The following SLIT3 variants were observed in gnomAD, a reference collection of about 807,000 sequenced individuals.
SLIT3 encodes slit guidance ligand 3, also known as slit homolog 3 protein.
A neutral mutation model predicts 184.0 loss-of-function variants in SLIT3; 68 were observed. The observed-to-expected ratio is 0.37, with a 90% CI of 0.30 to 0.45. SLIT3 has a LOEUF of 0.45. SLIT3 is among the 20% of genes least tolerant of loss of function. SLIT3 has a pLI of 1.00. For missense variants in SLIT3, 1,707 were observed against 2,026.0 expected, an observed-to-expected ratio of 0.84 and a Z score of 3.02; for synonymous variants, 831 against 828.6, an observed-to-expected ratio of 1.00 and a Z score of -0.05.
intron 1 of SLIT3, among the ~76,000 whole-genome samples, chr5:169,274,588 C>T (rs886909121): frequency 2.0e-5 from 3 of 152,174 alleles, no homozygotes; most frequent in African/African-American, 4.8e-5. Flanking sequence ...AAAGAATGAA[C>T]TGATTCAGGC....
Position 169,117,955 on chromosome 5 carries a change from A to G in SLIT3, c.413+75524T>C, listed in dbSNP as rs79497564. ...CTCTCATACAGGCCCAGCATCACAC[A>G]CTAGGACAATGTTATGGTTGTCACA... On this transcript the variant is annotated intron_variant, in intron 4 of 35. Coordinates refer to ENST00000519560, the MANE Select transcript of SLIT3 (RefSeq NM_003062.4). Among the ~76,000 whole-genome samples, 377 of 152,282 alleles carry G rather than the reference A, an allele frequency of 2.5e-3. 5 individuals are homozygous for G. The East Asian group carries it at 0.025, about 10-fold the overall frequency.
chr5:169,295,116 T>C (rs1767461611), intron 1 of SLIT3, among the ~76,000 whole-genome samples: 1 of 152,190 alleles, frequency 6.6e-6, no homozygotes. Flanking sequence ...ACTAAATTTA[T>C]TAAAAATAAA....
chr5:169,114,335 CT>C (rs1760565287), intron 4 of SLIT3, among the ~76,000 whole-genome samples: 2 of 152,222 alleles, frequency 1.3e-5, no homozygotes, highest in Admixed American at 6.5e-5. Flanking sequence ...ATTATCACCT[CT>C]GTTTTACAGA....
intron 4 of SLIT3, among the ~76,000 whole-genome samples, chr5:169,143,448 C>A (rs916844792): frequency 2.6e-5 from 4 of 152,214 alleles, no homozygotes; most frequent in African/African-American, 9.6e-5. Context: ...AAAGTCGATG[C>A]CCTAACCCTC....
Position 168,687,138 on chromosome 5 carries a change from G to A in SLIT3, c.3177-22C>T, listed in dbSNP as rs1761771457. On this transcript the variant is annotated intron_variant, in intron 29 of 35. Transcript: ENST00000519560. Reference sequence around the variant, plus strand: ...GCAGCTGGAACATAGGCAGAGGCAAGGCCGTTCCTCAAGGCAAAGCCAGCT... The same window carrying A: ...GCAGCTGGAACATAGGCAGAGGCAAAGCCGTTCCTCAAGGCAAAGCCAGCT... 5 of 1,608,338 alleles carry A rather than the reference G, an allele frequency of 3.1e-6. No individual in the cohort carries two copies. In the African/African-American group the frequency reaches 4.0e-5, roughly 13 times the overall value.
intron 4 of SLIT3, among the ~76,000 whole-genome samples, chr5:169,037,108 G>T (rs1222562199): frequency 1.4e-5 from 2 of 145,816 alleles, no homozygotes; most frequent in African/African-American, 5.4e-5. Context: ...CACCTCCATC[G>T]TGCCTATTCA....
intron 6 of SLIT3, among the ~76,000 whole-genome samples, chr5:168,842,390 C>CTT (rs36178262): frequency 7.1e-6 from 1 of 141,528 alleles, no homozygotes. Context: ...GGAATGAGAA[C>CTT]TTTTTTTTTT....
chr5:169,101,809 T>C (rs1760029326), intron 4 of SLIT3, among the ~76,000 whole-genome samples: 2 of 152,226 alleles, frequency 1.3e-5, no homozygotes. Context: ...CATGTTATTC[T>C]GCTCTGCTTA....
At chr5:168,876,374 A>G (rs573813588) in intron 5 of SLIT3, among the ~76,000 whole-genome samples, 1 of 151,808 alleles carries the variant, frequency 6.6e-6, no homozygotes, top group Admixed American at 6.6e-5. Context: ...CCTATTAGGA[A>G]CCCCCCAATA....
intron 5 of SLIT3, among the ~76,000 whole-genome samples, chr5:168,846,615 A>G (rs898299140): frequency 1.3e-5 from 2 of 152,220 alleles, no homozygotes. Flanking sequence ...TTCAATGAAC[A>G]TGCTGAATTC....
intron 4 of SLIT3, among the ~76,000 whole-genome samples, chr5:169,074,269 T>C (rs1758657963): frequency 6.6e-6 from 1 of 152,192 alleles, no homozygotes; most frequent in Admixed American, 6.5e-5. Flanking sequence ...CAGGTCTCAT[T>C]TTCCAGCTCT....
chr5:169,187,068 G>A (rs947030501), intron 4 of SLIT3, among the ~76,000 whole-genome samples: 5 of 143,664 alleles, frequency 3.5e-5, no homozygotes, highest in African/African-American at 1.3e-4. Context: ...GAATAAATAA[G>A]TCCTCCATCT....
In SLIT3 at chr5:168,793,193, G is replaced by A. The variant is rs1314593921; in HGVS notation, c.1007+2314C>T. Among the ~76,000 whole-genome samples the A allele has an allele frequency of 5.3e-5, 8 of 152,282 alleles. No homozygotes were observed. The East Asian group carries it at 1.4e-3, about 26-fold the overall frequency. ...AAGGTAACCACTAGGAATAGGCAGAGACAAAGCCATTCATTCAGAGAGAAT... is the reference window on the plus strand; with the variant it reads ...AAGGTAACCACTAGGAATAGGCAGAAACAAAGCCATTCATTCAGAGAGAAT... On this transcript the variant is annotated intron_variant, in intron 10 of 35. Coordinates refer to ENST00000519560, the MANE Select transcript of SLIT3 (RefSeq NM_003062.4).
At chr5:168,929,706 G>C (rs1394274892) in intron 4 of SLIT3, among the ~76,000 whole-genome samples, 2 of 152,218 alleles carry the variant, frequency 1.3e-5, no homozygotes, top group Non-Finnish European at 2.9e-5. Context: ...ATTTGTACAT[G>C]AGCAGATAGT....
chr5:168,961,878 G>A (rs1763022966), intron 4 of SLIT3, among the ~76,000 whole-genome samples: 1 of 151,846 alleles, frequency 6.6e-6, no homozygotes, highest in African/African-American at 2.4e-5. Context: ...GTGTGTGTGT[G>A]TGTGTGTATG....
intron 4 of SLIT3, among the ~76,000 whole-genome samples, chr5:169,182,487 A>G (rs2113445525): frequency 6.6e-6 from 1 of 152,354 alleles, no homozygotes; most frequent in South Asian, 2.1e-4. Context: ...CAGAAGAAAG[A>G]CAAAGTTACA....
chr5:169,180,132 T>C lies in SLIT3; in HGVS notation c.413+13347A>G, dbSNP rs376457461. Among the ~76,000 whole-genome samples, 8 of 152,280 alleles carry C rather than the reference T, an allele frequency of 5.3e-5. No homozygotes were observed. In the East Asian group the frequency reaches 1.2e-3, roughly 22 times the overall value. ...ACAGGGTTGTCATGAGAGAGTTCTC[T>C]GAGGAAGTGATGGCTGAGCCAGGAC... On this transcript the variant is annotated intron_variant, in intron 4 of 35. Transcript: ENST00000519560.
intron 4 of SLIT3, among the ~76,000 whole-genome samples, chr5:169,027,174 A>T (rs11960558): frequency 0.14 from 21,547 of 152,172 alleles, 2,771 homozygotes; most frequent in African/African-American, 0.34. Context: ...CTGAAAGTAG[A>T]GTTAGTAACA....
At chr5:168,754,756 T>C (rs1299922189) in intron 16 of SLIT3, among the ~76,000 whole-genome samples, 2 of 152,234 alleles carry the variant, frequency 1.3e-5, no homozygotes, top group African/African-American at 4.8e-5. Context: ...ATAATTGTTA[T>C]GTATCAATTT....
Sources: gnomAD v4.1 joint callset for allele counts (sites outside exome capture counted in the v4.1 genomes callset) on GRCh38, gnomAD v4.1.1 for gene constraint, MANE v1.5 for transcripts, NCBI Gene and HGNC (gene_info 2026-07-23, HGNC 2026-07-21) for gene names.